The following GRID2 variants were observed in gnomAD, a reference collection of about 807,000 sequenced individuals.
GRID2 encodes glutamate ionotropic receptor delta type subunit 2.
Under a neutral mutation model 114.8 loss-of-function variants are expected in GRID2, and 33 were observed. That is an observed-to-expected ratio of 0.29 (90% CI 0.22 to 0.38). GRID2 has a LOEUF of 0.38. GRID2 is among the 10% of genes least tolerant of loss of function. The pLI is 1.00. For synonymous variants in GRID2, 505 were observed against 449.9 expected (o/e 1.12, Z -1.55); for missense variants, 1,184 against 1,257.7 (o/e 0.94, Z 0.89).
chr4:93,558,713 G>T (rs1734583042), intron 13 of GRID2, among the ~76,000 whole-genome samples: 2 of 152,074 alleles, frequency 1.3e-5, no homozygotes, highest in Non-Finnish European at 2.9e-5. Flanking sequence ...GAAAACGAGG[G>T]AATCCTCCCT....
intron 2 of GRID2, among the ~76,000 whole-genome samples, chr4:92,914,846 T>C (rs1748661048): frequency 2.0e-5 from 3 of 152,152 alleles, no homozygotes; most frequent in Admixed American, 1.3e-4. Context: ...GTTGATTCTA[T>C]GTCTTTGCTA....
chr4:92,877,072 A>C (rs1234384295), intron 2 of GRID2, among the ~76,000 whole-genome samples: 1 of 152,228 alleles, frequency 6.6e-6, no homozygotes, highest in Non-Finnish European at 1.5e-5. Context: ...TAAGAAACAA[A>C]ACAAATTTTT....
At chr4:93,715,087 C>T (rs1278237709) in intron 14 of GRID2, among the ~76,000 whole-genome samples, 1 of 152,026 alleles carries the variant, frequency 6.6e-6, no homozygotes, top group East Asian at 1.9e-4. Context: ...ATTTTTAATC[C>T]ATCTTGAGTT....
intron 2 of GRID2, among the ~76,000 whole-genome samples, chr4:92,841,554 A>T (rs148899794): frequency 6.6e-6 from 1 of 151,980 alleles, no homozygotes; most frequent in African/African-American, 2.4e-5. Flanking sequence ...AGTTAATATT[A>T]GTTTCGCTAG....
rs761576258 is a variant in GRID2 at position 92,936,677 on chromosome 4, T to G, written c.245-148318T>G. On this transcript the variant is annotated intron_variant, in intron 2 of 15. Coordinates refer to ENST00000282020, the MANE Select transcript of GRID2 (RefSeq NM_001510.4). ...ATCAAGGTCACAATTCTGTCTTAAT[T>G]TCATAGTATTGCTGTAACTTCAATT... is the stretch of plus-strand genomic sequence containing the variant. Among the ~76,000 whole-genome samples, 14 of 146,292 alleles carry G rather than the reference T, an allele frequency of 9.6e-5. 1 individual carries two copies. The highest frequency in any genetic ancestry group is 1.5e-4 in the Non-Finnish European group (10 of 66,122).
intron 2 of GRID2, among the ~76,000 whole-genome samples, chr4:92,705,394 G>A (rs765901407): frequency 1.4e-4 from 21 of 152,134 alleles, no homozygotes; most frequent in Admixed American, 2.6e-4. Context: ...ATTGTTGAAA[G>A]TGCTTAAGAA....
At chr4:93,357,241 G>A (rs376040611) in intron 8 of GRID2, among the ~76,000 whole-genome samples, 1 of 149,834 alleles carries the variant, frequency 6.7e-6, no homozygotes, top group Non-Finnish European at 1.5e-5. Context: ...CTGACAGGTT[G>A]AAAAGTATGT....
intron 14 of GRID2, among the ~76,000 whole-genome samples, chr4:93,652,640 A>G (rs1200568881): frequency 3.3e-5 from 5 of 151,998 alleles, no homozygotes; most frequent in African/African-American, 1.2e-4. Context: ...AAATCACCTA[A>G]AGATACATTT....
chr4:93,291,495 A>G (rs756344504), intron 8 of GRID2, among the ~76,000 whole-genome samples: 15 of 152,250 alleles, frequency 9.9e-5, no homozygotes, highest in Non-Finnish European at 1.8e-4. Flanking sequence ...TATTAATCCA[A>G]TTACAATTTT....
intron 2 of GRID2, among the ~76,000 whole-genome samples, chr4:92,975,954 A>G (rs545462949): frequency 6.6e-6 from 1 of 152,258 alleles, no homozygotes; most frequent in Non-Finnish European, 1.5e-5. Flanking sequence ...ATATACATAT[A>G]TGATATTTGT....
intron 13 of GRID2, among the ~76,000 whole-genome samples, chr4:93,592,251 G>T (rs940066327): frequency 6.6e-6 from 1 of 151,914 alleles, no homozygotes; most frequent in East Asian, 1.9e-4. Flanking sequence ...ATTCTGGTAT[G>T]TTGTGTCTTT....
intron 1 of GRID2, among the ~76,000 whole-genome samples, chr4:92,438,136 T>C (rs1732828558): frequency 6.6e-6 from 1 of 152,194 alleles, no homozygotes; most frequent in African/African-American, 2.4e-5. Flanking sequence ...TACGTACATA[T>C]GCCAGAAATA....
chr4:92,579,424 T>G (rs2149200984), intron 1 of GRID2, among the ~76,000 whole-genome samples: 1 of 152,068 alleles, frequency 6.6e-6, no homozygotes, highest in Admixed American at 6.6e-5. Context: ...TCTAAGAAAA[T>G]AAATTAAGAA....
At chr4:93,249,752 T>C (rs866278123) in intron 8 of GRID2, among the ~76,000 whole-genome samples, 4 of 151,962 alleles carry the variant, frequency 2.6e-5, no homozygotes, top group Non-Finnish European at 5.9e-5. Flanking sequence ...AAAAAGCTCA[T>C]TATCACTGGT....
chr4:92,590,711 G>C (rs76777284), intron 2 of GRID2, among the ~76,000 whole-genome samples: 4,123 of 152,110 alleles, frequency 0.027, 187 homozygotes, highest in African/African-American at 0.094. Flanking sequence ...AAAACCCTTG[G>C]ACACTACATA....
downstream of GRID2, among the ~76,000 whole-genome samples, chr4:93,778,423 G>A (rs1201699460): frequency 1.6e-5 from 2 of 124,416 alleles, no homozygotes; most frequent in South Asian, 2.6e-4. Flanking sequence ...TTGAGACAGA[G>A]TCTCGCTCTG....
chr4:92,708,463 G>A (rs1264839194), intron 2 of GRID2, among the ~76,000 whole-genome samples: 1 of 152,088 alleles, frequency 6.6e-6, no homozygotes, highest in Non-Finnish European at 1.5e-5. Context: ...TGGTAGCACC[G>A]CTCTGGAATT....
chr4:93,758,528 T>A (rs17021087), intron 14 of GRID2, among the ~76,000 whole-genome samples: 3 of 149,052 alleles, frequency 2.0e-5, no homozygotes, highest in South Asian at 4.1e-4. Context: ...TTTAGAAGTT[T>A]AGAATTTGTG....
intron 2 of GRID2, among the ~76,000 whole-genome samples, chr4:92,665,137 G>A (rs1732708898): frequency 6.7e-6 from 1 of 150,090 alleles, no homozygotes; most frequent in Non-Finnish European, 1.5e-5. Flanking sequence ...GTGTTTAATT[G>A]ATTTCTTTTG....
Sources: allele counts gnomAD v4.1 joint callset (sites outside exome capture counted in the v4.1 genomes callset), GRCh38; gene constraint gnomAD v4.1.1; transcripts MANE v1.5; gene names NCBI Gene and HGNC (gene_info 2026-07-23, HGNC 2026-07-21).